MYO5C: variants seen among roughly 807,000 people sequenced by gnomAD.
The protein encoded by MYO5C is myosin VC.
MYO5C carries 194 observed loss-of-function variants against 235.7 expected under a neutral mutation model. That is an observed-to-expected ratio of 0.82 (90% CI 0.73 to 0.93). The LOEUF is 0.93. Ranked by LOEUF, MYO5C falls within the 40% of genes least tolerant of loss-of-function variation. The pLI is 0.00. For missense variants in MYO5C, 2,038 were observed against 2,127.2 expected (o/e 0.96, Z 0.82); for synonymous variants, 707 against 754.8 (o/e 0.94, Z 1.04).
At chr15:52,223,084 G>A (rs1449242894) in intron 29 of MYO5C, among the ~76,000 whole-genome samples, 1 of 151,808 alleles carries the variant, frequency 6.6e-6, no homozygotes, top group Non-Finnish European at 1.5e-5. Flanking sequence ...GGGAGGCGGA[G>A]GTTGCAGTGA....
At chr15:52,269,092 T>C (rs2036867836) in intron 8 of MYO5C, among the ~76,000 whole-genome samples, 1 of 152,222 alleles carries the variant, frequency 6.6e-6, no homozygotes, top group Admixed American at 6.5e-5. Flanking sequence ...AGGAGACCTA[T>C]GAAGGCCACA....
At chr15:52,288,805 G>A (rs2037328107) in intron 1 of MYO5C, among the ~76,000 whole-genome samples, 1 of 152,180 alleles carries the variant, frequency 6.6e-6, no homozygotes, top group South Asian at 2.1e-4. Context: ...AGGAAAGAGA[G>A]GGCCACCTCC....
intron 17 of MYO5C, among the ~76,000 whole-genome samples, 163 bp from the exon 18 acceptor site, chr15:52,245,628 A>G (rs547043872): frequency 1.3e-5 from 2 of 152,250 alleles, no homozygotes; most frequent in East Asian, 3.9e-4. Flanking sequence ...CTGGGACACT[A>G]CCAAGACCAC....
intron 29 of MYO5C, among the ~76,000 whole-genome samples, chr15:52,221,918 G>A (rs1158591781): frequency 6.6e-6 from 1 of 152,192 alleles, no homozygotes; most frequent in South Asian, 2.1e-4. Context: ...GTTTGTGATG[G>A]TGTGAAAGTG....
chr15:52,295,753 T>C lies in MYO5C; in HGVS notation c.-117A>G. 1.4e-6 allele frequency: 1 copy of C among 695,022 alleles called. No individual in the cohort carries two copies. The highest frequency in any genetic ancestry group is 3.3e-5 in the South Asian group (1 of 30,428). 43.1% of individuals were successfully genotyped at this position (695,022 alleles called of 1,614,324 possible). On this transcript the variant is annotated 5_prime_UTR_variant, in exon 1 of 41. It removes an upstream start codon present in the reference 5' UTR. Transcript: ENST00000261839. Reference sequence around the variant, plus strand: ...CGCCGCGGAAATCACCGCCGGGCCATCTTGCCCAAAGTTTTCCAACGGCCT... The same window carrying C: ...CGCCGCGGAAATCACCGCCGGGCCACCTTGCCCAAAGTTTTCCAACGGCCT...
intron 1 of MYO5C, among the ~76,000 whole-genome samples, chr15:52,290,548 T>C (rs1488694412): frequency 1.3e-5 from 2 of 150,984 alleles, no homozygotes; most frequent in African/African-American, 4.9e-5. Context: ...AAGAAACAGA[T>C]GGTGGAATGA....
rs74015637 is a variant in MYO5C at position 52,230,032 on chromosome 15, G to A, written c.3027-719C>T. 8.2e-3 allele frequency among the ~76,000 whole-genome samples: 1,253 copies of A among 152,276 alleles called. 14 individuals are homozygous for A. Among genetic ancestry groups the A allele is most frequent in the African/African-American group, 0.029 (1,192 of 41,550 alleles). On this transcript the variant is annotated intron_variant, in intron 24 of 40. Transcript: ENST00000261839. Reference sequence around the variant, plus strand: ...TCCTCGTTCCAAGGATCCTGCTGGAGGTTTGTTTGATCCTAAACAATAGAG... The same window carrying A: ...TCCTCGTTCCAAGGATCCTGCTGGAAGTTTGTTTGATCCTAAACAATAGAG...
intron 33 of MYO5C, chr15:52,213,658 A>C (rs922910608): frequency 5.4e-6 from 1 of 186,832 alleles, no homozygotes; most frequent in African/African-American, 2.3e-5. Flanking sequence ...ACCAATGTGC[A>C]TGATCCTTAC....
intron 20 of MYO5C, 54 bp from the exon 21 acceptor site, chr15:52,239,933 C>A: frequency 6.5e-7 from 1 of 1,546,468 alleles, no homozygotes; most frequent in South Asian, 1.2e-5. Flanking sequence ...CTTCTCTAAC[C>A]AACTCCTTCA....
At chr15:52,206,174 A>G (rs2035308058) in intron 36 of MYO5C, among the ~76,000 whole-genome samples, 1 of 152,120 alleles carries the variant, frequency 6.6e-6, no homozygotes, top group African/African-American at 2.4e-5. Flanking sequence ...TCATTGTCCC[A>G]CCCACTTCCC....
chr15:52,291,565 T>C (rs2037387291), intron 1 of MYO5C, among the ~76,000 whole-genome samples: 2 of 151,828 alleles, frequency 1.3e-5, no homozygotes, highest in South Asian at 4.2e-4. Context: ...CCTTCACAGT[T>C]CTACCCAAAC....
chr15:52,288,442 A>T (rs1484618556), intron 1 of MYO5C, among the ~76,000 whole-genome samples: 1 of 152,202 alleles, frequency 6.6e-6, no homozygotes, highest in African/African-American at 2.4e-5. Context: ...GTGACTCCTC[A>T]GCCCAGTACC....
intron 38 of MYO5C, among the ~76,000 whole-genome samples, chr15:52,201,164 A>G (rs1299178485): frequency 6.6e-6 from 1 of 152,214 alleles, no homozygotes; most frequent in East Asian, 1.9e-4. Flanking sequence ...AAATTTGGTG[A>G]ATGGCCAGAT....
intron 1 of MYO5C, among the ~76,000 whole-genome samples, chr15:52,289,220 T>C (rs2037339670): frequency 6.8e-6 from 1 of 147,726 alleles, no homozygotes; most frequent in Non-Finnish European, 1.5e-5. Context: ...CCCAAGGTCC[T>C]TCCCAGCCTC....
intron 20 of MYO5C, among the ~76,000 whole-genome samples, chr15:52,241,522 G>C (rs1168114393): frequency 3.3e-5 from 5 of 152,134 alleles, no homozygotes; most frequent in Non-Finnish European, 5.9e-5. Context: ...GCCTCCCACA[G>C]TGCTGGGATT....
intron 1 of MYO5C, among the ~76,000 whole-genome samples, chr15:52,287,645 G>C (rs1429739871): frequency 3.9e-5 from 6 of 152,166 alleles, no homozygotes; most frequent in Non-Finnish European, 5.9e-5. Context: ...CAAGTTGTTT[G>C]TCAAACTCCT....
intron 4 of MYO5C, 39 bp downstream of exon 4, chr15:52,278,834 T>A (rs950421839): frequency 6.2e-7 from 1 of 1,609,548 alleles, no homozygotes; most frequent in Non-Finnish European, 8.5e-7. Flanking sequence ...CAGGGAGCAT[T>A]GGCAGAGCAA....
rs374811120 is a variant in MYO5C at position 52,225,158 on chromosome 15, T to G, written c.3302-20A>C. On this transcript the variant is annotated intron_variant, in intron 26 of 40. Transcript: ENST00000261839. ...TCTTTTCTGAAAGGGAAAGGCAGAG[T>G]TGTATATATTACATTTGTGGATGAT... 13 of 1,612,528 alleles carry G rather than the reference T, an allele frequency of 8.1e-6. No individual in the cohort carries two copies. Among genetic ancestry groups the G allele is most frequent in the Non-Finnish European group, 1.1e-5 (13 of 1,179,146 alleles).
At chr15:52,224,838 C>T (rs754441272) in intron 28 of MYO5C, 63 bp downstream of exon 28, 10 of 1,415,936 alleles carry the variant, frequency 7.1e-6, no homozygotes, top group Non-Finnish European at 9.8e-6. Flanking sequence ...AAACTTTGGA[C>T]TTTCCAATAG....
Sources: gnomAD v4.1 joint callset for allele counts (sites outside exome capture counted in the v4.1 genomes callset) on GRCh38, gnomAD v4.1.1 for gene constraint, MANE v1.5 for transcripts, NCBI Gene and HGNC (gene_info 2026-07-23, HGNC 2026-07-21) for gene names.